Variants in HEPH observed in about 807,000 individuals in gnomAD.
The protein encoded by HEPH is hephaestin.
HEPH carries 69 observed loss-of-function variants against 80.8 expected under a neutral mutation model. The observed-to-expected ratio is 0.85, with a 90% CI of 0.70 to 1.04. The LOEUF (loss-of-function observed/expected upper bound fraction) is 1.04, where lower values mean the gene tolerates loss of function less well. Among genes scored for constraint, HEPH ranks in the 50% least tolerant of loss-of-function variants. HEPH has a pLI of 0.00. For synonymous variants in HEPH, 431 were observed against 322.8 expected (o/e 1.34, Z -3.60); for missense variants, 1,115 against 891.3 (o/e 1.25, Z -3.20).
chrX:66,259,766 T>C (rs1247598732), intron 18 of HEPH, among the ~76,000 whole-genome samples: 2 of 108,465 alleles, frequency 1.8e-5, no homozygotes, highest in Admixed American at 9.8e-5. Flanking sequence ...TGGAGTGCAG[T>C]GGTGTGATCT....
At chrX:66,173,890 C>A in intron 4 of HEPH, 89 bp downstream of exon 4, 1 of 594,382 alleles carries the variant, frequency 1.7e-6, no homozygotes. Context: ...TATTGGACAG[C>A]AGCCTGAGGA....
Position 66,190,014 on chromosome X carries a change from C to T in HEPH, c.1063+76C>T, listed in dbSNP as rs765516630. ...TGGTCAAGGGAGGCTGGGTTTCTGG[C>T]CTGAAGCCATAAATAAGTCCTCCAG... On this transcript the variant is annotated intron_variant, in intron 6 of 20. Coordinates refer to ENST00000343002, the MANE Select transcript of HEPH (RefSeq NM_001367233.3). 4 of 1,021,475 alleles carry T rather than the reference C, an allele frequency of 3.9e-6. No individual in the cohort carries two copies. The African/African-American group carries it at 7.9e-5, about 20-fold the overall frequency. 84.2% of individuals were successfully genotyped at this position (1,021,475 alleles called of 1,213,427 possible). A position where few individuals can be genotyped will look rare whatever the true frequency, so the allele number is the denominator to read the frequency against.
At chrX:66,218,731 C>T (rs1180895778) in intron 15 of HEPH, among the ~76,000 whole-genome samples, 1 of 110,665 alleles carries the variant, frequency 9.0e-6, no homozygotes, top group Non-Finnish European at 1.9e-5. Context: ...GGGTCGTGAT[C>T]GATTGAGCAA....
At chrX:66,265,276 C>T (rs1350239) in intron 20 of HEPH, among the ~76,000 whole-genome samples, 6,595 of 110,243 alleles carry the variant, frequency 0.06, 459 homozygotes, top group African/African-American at 0.21. Context: ...AAGACATAGC[C>T]GCTATTTTTC....
At chrX:66,191,599 C>T (rs1303273451) in intron 6 of HEPH, among the ~76,000 whole-genome samples, 2 of 112,020 alleles carry the variant, frequency 1.8e-5, no homozygotes, top group Non-Finnish European at 3.8e-5. Flanking sequence ...CTACATTTTC[C>T]TTACGGTCCC....
chrX:66,238,453 G>A (rs891668418), intron 15 of HEPH, among the ~76,000 whole-genome samples: 4 of 111,380 alleles, frequency 3.6e-5, no homozygotes, highest in African/African-American at 6.5e-5. Flanking sequence ...GCTGAAGTGC[G>A]AGGATCCCTT....
chrX:66,215,237 A>T (rs1264736542), intron 15 of HEPH, among the ~76,000 whole-genome samples: 1 of 111,526 alleles, frequency 9.0e-6, no homozygotes, highest in Non-Finnish European at 1.9e-5. Flanking sequence ...CTAATAGATT[A>T]TTTATAATGT....
chrX:66,207,398 T>C, intron 14 of HEPH, 64 bp downstream of exon 14: 2 of 879,130 alleles, frequency 2.3e-6, no homozygotes, highest in African/African-American at 4.1e-5. Context: ...GAAGCTATGT[T>C]ATACCAGGAT....
intron 6 of HEPH, 28 bp downstream of exon 6, chrX:66,189,966 G>T (rs918718040): frequency 3.1e-5 from 36 of 1,147,612 alleles, no homozygotes; most frequent in Non-Finnish European, 4.1e-5. Context: ...TGACCATTGG[G>T]TTGTAAGAGA....
chrX:66,260,236 C>T lies in HEPH; in HGVS notation c.3173C>T (p.Thr1058Ile). The change falls in exon 19 of 21, where the codon ACC becomes ATC. Residue 1058 changes from threonine (T) to isoleucine (I), a missense_variant. Thr to Ile is a moderately conservative substitution (Grantham distance 89). Around this residue, in one of 3 missense-constraint regions of HEPH, gnomAD observed 716 missense variants for 523.5 expected, o/e 1.37. Transcript: ENST00000343002. ...VTDHVHAGME[T>I]LFTVFSRTEH... Reference sequence around the variant, plus strand: ...GACCATGTCCATGCTGGCATGGAGACCCTCTTCACTGTTTTTTCTCGAACA... The same window carrying T: ...GACCATGTCCATGCTGGCATGGAGATCCTCTTCACTGTTTTTTCTCGAACA... 8.3e-7 allele frequency: 1 copy of T among 1,207,179 alleles called. No individual in the cohort carries two copies. The highest frequency in any genetic ancestry group is 1.1e-6 in the Non-Finnish European group (1 of 892,280).
intron 4 of HEPH, among the ~76,000 whole-genome samples, chrX:66,179,169 G>T (rs2086969789): frequency 8.9e-6 from 1 of 112,154 alleles, no homozygotes; most frequent in African/African-American, 3.2e-5. Flanking sequence ...CATATGGCTA[G>T]CCAGTTTTCC....
chrX:66,208,114 G>A lies in HEPH; in HGVS notation c.2432-1G>A, dbSNP rs896836343. 3.4e-6 allele frequency: 4 copies of A among 1,174,132 alleles called. No homozygotes were observed. The highest frequency in any genetic ancestry group is 3.4e-6 in the Non-Finnish European group (3 of 870,287). ...TATTTAATTATTTTTGTTTACATTA[G>A]GTCCACTTATCAAAGGTGAAGTTGG... On this transcript the variant is annotated splice_acceptor_variant, in intron 14 of 20. Coordinates refer to ENST00000343002, the MANE Select transcript of HEPH (RefSeq NM_001367233.3). LOFTEE classifies it high-confidence loss of function.
chrX:66,172,645 C>T, intron 3 of HEPH, 46 bp downstream of exon 3: 6 of 1,097,920 alleles, frequency 5.5e-6, no homozygotes, highest in Non-Finnish European at 7.2e-6. Context: ...ACAAATATCA[C>T]TTTTCCTTTA....
chrX:66,213,183 C>G (rs1188139418), intron 15 of HEPH, among the ~76,000 whole-genome samples: 10 of 109,155 alleles, frequency 9.2e-5, no homozygotes, highest in African/African-American at 2.7e-4. Context: ...ATCCCTCCCC[C>G]CTTCCCCCAC....
chrX:66,179,563 A>G (rs1277442205), intron 4 of HEPH, among the ~76,000 whole-genome samples: 1 of 111,393 alleles, frequency 9.0e-6, no homozygotes, highest in East Asian at 2.8e-4. Context: ...TTCTGTATGT[A>G]TCTGTTAAGC....
intron 20 of HEPH, among the ~76,000 whole-genome samples, chrX:66,264,284 A>AATAT (rs4039020): frequency 9.5e-6 from 1 of 105,248 alleles, no homozygotes; most frequent in African/African-American, 3.4e-5. Context: ...ATATATATTA[A>AATAT]ATATATATAT....
chrX:66,245,602 A>G (rs945885252), intron 15 of HEPH, among the ~76,000 whole-genome samples: 2 of 111,327 alleles, frequency 1.8e-5, no homozygotes, highest in African/African-American at 6.5e-5. Flanking sequence ...ATATCCAGGA[A>G]CTGAACTCAG....
chrX:66,240,080 T>G (rs1327512264), intron 15 of HEPH, among the ~76,000 whole-genome samples: 1 of 112,191 alleles, frequency 8.9e-6, no homozygotes, highest in East Asian at 2.8e-4. Context: ...TAACTATGAT[T>G]AAAATGTTAA....
intron 4 of HEPH, among the ~76,000 whole-genome samples, chrX:66,180,088 T>G (rs893473295): frequency 1.1e-4 from 12 of 111,668 alleles, no homozygotes; most frequent in Non-Finnish European, 2.1e-4. Flanking sequence ...ATGTTAGTAT[T>G]GAGATATGAG....
Sources: allele counts gnomAD v4.1 joint callset (sites outside exome capture counted in the v4.1 genomes callset), GRCh38; gene constraint gnomAD v4.1.1; regional missense constraint gnomAD v4.1.1; transcripts MANE v1.5; gene names NCBI Gene and HGNC (gene_info 2026-07-23, HGNC 2026-07-21).